The following RAB38 variants were observed in gnomAD, a reference collection of about 807,000 sequenced individuals.
RAB38 encodes ras-related protein Rab-38.
RAB38 carries 15 observed loss-of-function variants against 18.4 expected under a neutral mutation model. The observed-to-expected ratio is 0.82, with a 90% CI of 0.55 to 1.26. RAB38 has a LOEUF of 1.26. Ranked by LOEUF, RAB38 falls within the 50% of genes most tolerant of loss-of-function variation. The pLI is 0.00. For missense variants in RAB38, 294 were observed against 267.4 expected, an observed-to-expected ratio of 1.10 and a Z score of -0.69; for synonymous variants, 101 against 104.4, an observed-to-expected ratio of 0.97 and a Z score of 0.20.
the RAB38 span, among the ~76,000 whole-genome samples, chr11:87,939,507 T>A: frequency 2.6e-5 from 4 of 152,032 alleles, no homozygotes; most frequent in Non-Finnish European, 5.9e-5. Flanking sequence ...CTACAGTTGT[T>A]TAGTGGCATA....
the RAB38 span, among the ~76,000 whole-genome samples, chr11:87,807,417 C>T: frequency 6.6e-6 from 1 of 152,152 alleles, no homozygotes; most frequent in Non-Finnish European, 1.5e-5. Context: ...GTTTGACAGG[C>T]CTATGGCTTT....
chr11:87,976,922 A>AT, the RAB38 span, among the ~76,000 whole-genome samples: 19 of 100 alleles, frequency 0.19, 6 homozygotes, highest in Admixed American at 0.38. Flanking sequence ...TATATATTAT[A>AT]ATTACATTAT....
the RAB38 span, among the ~76,000 whole-genome samples, chr11:87,858,316 G>A: frequency 0.029 from 4,341 of 152,118 alleles, 98 homozygotes; most frequent in Middle Eastern, 0.054. Context: ...TTGGACTCAC[G>A]TTGTCATTTC....
intron 1 of RAB38, among the ~76,000 whole-genome samples, chr11:88,171,164 A>T (rs1202710773): frequency 6.6e-6 from 1 of 152,256 alleles, no homozygotes; most frequent in Non-Finnish European, 1.5e-5. Flanking sequence ...ATTATGTGTC[A>T]GGCACAGCTT....
At chr11:88,026,354 G>A in the RAB38 span, among the ~76,000 whole-genome samples, 2 of 151,628 alleles carry the variant, frequency 1.3e-5, no homozygotes, top group Non-Finnish European at 2.9e-5. Flanking sequence ...ACGAGGTCAG[G>A]AGATCGAGAC....
the RAB38 span, among the ~76,000 whole-genome samples, chr11:88,075,064 T>C: frequency 1.3e-5 from 2 of 152,170 alleles, no homozygotes; most frequent in Non-Finnish European, 2.9e-5. Context: ...AATTAATTAT[T>C]ATTAAAGAGA....
At chr11:88,028,081 T>G in the RAB38 span, among the ~76,000 whole-genome samples, 1 of 152,184 alleles carries the variant, frequency 6.6e-6, no homozygotes, top group Non-Finnish European at 1.5e-5. Context: ...GAAAAACCAC[T>G]GTTCTGCAGA....
the RAB38 span, among the ~76,000 whole-genome samples, chr11:87,928,939 A>C: frequency 6.6e-6 from 1 of 152,046 alleles, no homozygotes; most frequent in African/African-American, 2.4e-5. Flanking sequence ...ACATGGTGAA[A>C]CCCTATCTCT....
chr11:87,865,316 T>G, the RAB38 span, among the ~76,000 whole-genome samples: 1 of 151,596 alleles, frequency 6.6e-6, no homozygotes, highest in African/African-American at 2.4e-5. Context: ...CTCCAGGTAA[T>G]CACAAGGGTC....
At chr11:87,896,264 C>G in the RAB38 span, among the ~76,000 whole-genome samples, 2 of 151,662 alleles carry the variant, frequency 1.3e-5, no homozygotes, top group African/African-American at 2.4e-5. Context: ...GGAGACCATG[C>G]CAAGGGGCCA....
chr11:88,076,544 C>T, the RAB38 span, among the ~76,000 whole-genome samples: 116,920 of 152,060 alleles, frequency 0.77, 45,118 homozygotes, highest in African/African-American at 0.83. Context: ...ATCAGAAAAC[C>T]GATAGAACTG....
At chr11:87,953,862 T>C in the RAB38 span, among the ~76,000 whole-genome samples, 3 of 152,080 alleles carry the variant, frequency 2.0e-5, no homozygotes, top group African/African-American at 7.2e-5. Context: ...AGTGTTTTTT[T>C]TTTTTTCCAT....
At chr11:88,164,129 T>G (rs1173691065) in intron 1 of RAB38, among the ~76,000 whole-genome samples, 2 of 152,042 alleles carry the variant, frequency 1.3e-5, no homozygotes, top group African/African-American at 2.4e-5. Context: ...ACAATACCAG[T>G]CAGTATCCAT....
At chr11:87,853,604 G>C in the RAB38 span, among the ~76,000 whole-genome samples, 1 of 152,186 alleles carries the variant, frequency 6.6e-6, no homozygotes, top group Non-Finnish European at 1.5e-5. Flanking sequence ...AAAATACTAT[G>C]TTCTGGGAAG....
At chr11:87,940,209 T>C in the RAB38 span, among the ~76,000 whole-genome samples, 1 of 149,786 alleles carries the variant, frequency 6.7e-6, no homozygotes, top group African/African-American at 2.5e-5. Context: ...AGCAGCATAG[T>C]TGGTTGGAGT....
At chr11:88,011,940 G>A in the RAB38 span, among the ~76,000 whole-genome samples, 1 of 152,140 alleles carries the variant, frequency 6.6e-6, no homozygotes, top group African/African-American at 2.4e-5. Flanking sequence ...CTCCATTCGT[G>A]TTGTTCTGCT....
chr11:88,028,253 A>C, the RAB38 span, among the ~76,000 whole-genome samples: 3 of 152,180 alleles, frequency 2.0e-5, no homozygotes, highest in Non-Finnish European at 4.4e-5. Flanking sequence ...AAAGACCAAA[A>C]GTAGATAAAA....
the RAB38 span, among the ~76,000 whole-genome samples, chr11:87,847,423 T>G: frequency 6.6e-6 from 1 of 152,138 alleles, no homozygotes; most frequent in Admixed American, 6.6e-5. Context: ...AAGACATAAC[T>G]TATAAAAATT....
chr11:88,139,970 A>AG (rs768741436), intron 2 of RAB38, among the ~76,000 whole-genome samples: 3 of 152,256 alleles, frequency 2.0e-5, no homozygotes, highest in Non-Finnish European at 4.4e-5. Flanking sequence ...AACTCAAATG[A>AG]GAGATACATG....
Sources: allele counts gnomAD v4.1 joint callset (sites outside exome capture counted in the v4.1 genomes callset), GRCh38; gene constraint gnomAD v4.1.1; transcripts MANE v1.5; gene names NCBI Gene and HGNC (gene_info 2026-07-23, HGNC 2026-07-21).